The following GLUD1 variants were observed in gnomAD, a reference collection of about 807,000 sequenced individuals.
GLUD1 encodes glutamate dehydrogenase 1.
GLUD1 carries 22 observed loss-of-function variants against 56.0 expected under a neutral mutation model. The ratio of observed to expected loss-of-function variants is 0.39; its 90% CI spans 0.28 to 0.56. The LOEUF is 0.56. Ranked by LOEUF, GLUD1 falls within the 20% of genes least tolerant of loss-of-function variation. The pLI, the probability that GLUD1 is intolerant of heterozygous loss-of-function variation, is 0.58. For missense variants in GLUD1, 451 were observed against 732.0 expected, an observed-to-expected ratio of 0.62 and a Z score of 4.43; for synonymous variants, 223 against 269.9, an observed-to-expected ratio of 0.83 and a Z score of 1.70.
At position 87,094,722 on chromosome 10, in the gene GLUD1, G is replaced by T. The variant is rs1313982001; in HGVS notation, c.48C>A (p.Pro16=). The change falls in exon 1 of 13, where the codon CCC becomes CCA. Residue 16 remains proline, a synonymous_variant. Coordinates refer to ENST00000277865, the MANE Select transcript of GLUD1 (RefSeq NM_005271.5). The surrounding 1 kb of genome is among the most constrained non-coding windows in gnomAD (Gnocchi z 6.6). ...GEALLLSRAG[P]AALGSASADS... Reference sequence around the variant, plus strand: ...CGGCGGACGCCGAGCCCAGGGCAGCGGGCCCGGCCCGGGACAGCAACAGCG... The same window carrying T: ...CGGCGGACGCCGAGCCCAGGGCAGCTGGCCCGGCCCGGGACAGCAACAGCG... 2 of 1,513,320 alleles carry T rather than the reference G, an allele frequency of 1.3e-6. No individual in the cohort carries two copies. The highest frequency in any genetic ancestry group is 2.9e-5 in the East Asian group (1 of 34,734). 93.7% of individuals were successfully genotyped at this position (1,513,320 alleles called of 1,614,324 possible). A position where few individuals can be genotyped will look rare whatever the true frequency, so the allele number is the denominator to read the frequency against.
At chr10:87,079,586 C>T (rs748990744) in intron 1 of GLUD1, among the ~76,000 whole-genome samples, 1 of 152,144 alleles carries the variant, frequency 6.6e-6, no homozygotes, top group Non-Finnish European at 1.5e-5. Flanking sequence ...CCCAGGCGAC[C>T]CAGCCTGCAC....
chr10:87,077,412 T>C (rs927607837), intron 1 of GLUD1, among the ~76,000 whole-genome samples: 1 of 152,050 alleles, frequency 6.6e-6, no homozygotes. Context: ...AATGGGTATA[T>C]TAAAAGAGAT....
chr10:87,069,514 C>CAAAAAAAAA (rs374019349), intron 4 of GLUD1, among the ~76,000 whole-genome samples: 6 of 62,620 alleles, frequency 9.6e-5, no homozygotes, highest in Admixed American at 1.8e-4. Context: ...GACTCTGTTT[C>CAAAAAAAAA]AAAAAAAAAA....
At chr10:87,067,038 T>C (rs184338403) in intron 5 of GLUD1, among the ~76,000 whole-genome samples, 2 of 152,324 alleles carry the variant, frequency 1.3e-5, no homozygotes, top group African/African-American at 4.8e-5. Flanking sequence ...GCAATGCTCC[T>C]CTCCTGGTCC....
At chr10:87,063,901 C>T (rs1174307570) in intron 5 of GLUD1, among the ~76,000 whole-genome samples, 4 of 150,796 alleles carry the variant, frequency 2.7e-5, no homozygotes, top group African/African-American at 7.3e-5. Flanking sequence ...TTTTTTGAGA[C>T]GGAGTCTCGC....
intron 1 of GLUD1, among the ~76,000 whole-genome samples, chr10:87,087,640 GC>G (rs1841415207): frequency 6.6e-6 from 1 of 152,170 alleles, no homozygotes; most frequent in Admixed American, 6.5e-5. Context: ...ACTGTCACAA[GC>G]CCTTATTTCT....
At chr10:87,057,569 C>G (rs1475510758) in intron 11 of GLUD1, 122 bp downstream of exon 11, 1 of 752,650 alleles carries the variant, frequency 1.3e-6, no homozygotes, top group Non-Finnish European at 2.5e-6. Flanking sequence ...ACACATGTCA[C>G]GCACTTACTG....
intron 4 of GLUD1, among the ~76,000 whole-genome samples, chr10:87,070,330 G>A (rs1846196683): frequency 6.6e-6 from 1 of 152,220 alleles, no homozygotes; most frequent in Admixed American, 6.5e-5. Flanking sequence ...GCTGGGCGCG[G>A]TGGCTCACGC....
chr10:87,065,892 G>A (rs1018591452), intron 5 of GLUD1, among the ~76,000 whole-genome samples: 6 of 152,150 alleles, frequency 3.9e-5, no homozygotes, highest in African/African-American at 1.2e-4. Context: ...GCACTGATGG[G>A]TGAAGGTGCC....
chr10:87,082,263 A>AGC (rs1554824160), intron 1 of GLUD1, among the ~76,000 whole-genome samples: 5 of 151,916 alleles, frequency 3.3e-5, no homozygotes, highest in African/African-American at 1.2e-4. Flanking sequence ...CCTTCCACAC[A>AGC]AGTGTAAACA....
chr10:87,060,559 G>C (rs762320372), intron 8 of GLUD1, 129 bp downstream of exon 8: 5 of 1,126,066 alleles, frequency 4.4e-6, no homozygotes, highest in Admixed American at 3.4e-5. Flanking sequence ...TGGGGGAACT[G>C]TATGGTATGT....
At chr10:87,088,176 G>T (rs1412277424) in intron 1 of GLUD1, among the ~76,000 whole-genome samples, 12 of 143,336 alleles carry the variant, frequency 8.4e-5, no homozygotes, top group South Asian at 2.2e-4. Context: ...ACTTTGTTTT[G>T]TTTTTTTTTT....
At chr10:87,067,943 A>G in intron 5 of GLUD1, 120 bp downstream of exon 5, 1 of 697,458 alleles carries the variant, frequency 1.4e-6, no homozygotes, top group Admixed American at 2.0e-5. Context: ...TATGCACATC[A>G]AGATTATGAT....
chr10:87,087,807 ACGGTGGCTCACGC>A (rs1390329844), intron 1 of GLUD1, among the ~76,000 whole-genome samples: 11 of 152,160 alleles, frequency 7.2e-5, no homozygotes, highest in Admixed American at 5.9e-4. Context: ...TCTGCCAGGC[ACGGTGGCTCACGC>A]CTGTAATCCC....
At chr10:87,074,288 G>A (rs959810481) in intron 4 of GLUD1, among the ~76,000 whole-genome samples, 2 of 152,140 alleles carry the variant, frequency 1.3e-5, no homozygotes, top group African/African-American at 4.8e-5. Context: ...ATCACCTGAT[G>A]TCAGGAGTTC....
intron 1 of GLUD1, among the ~76,000 whole-genome samples, chr10:87,079,960 TCTCCCCA>T (rs935190786): frequency 3.0e-5 from 3 of 99,556 alleles, no homozygotes; most frequent in African/African-American, 3.9e-5. Context: ...ACGGTCTCCC[TCTCCCCA>T]CGGTCTCCCT....
At chr10:87,081,810 C>T (rs1417753497) in intron 1 of GLUD1, among the ~76,000 whole-genome samples, 3 of 151,300 alleles carry the variant, frequency 2.0e-5, no homozygotes, top group Non-Finnish European at 4.4e-5. Flanking sequence ...ACAAACACTG[C>T]GGAAGGCCTC....
intron 1 of GLUD1, among the ~76,000 whole-genome samples, chr10:87,080,094 C>G (rs574033283): frequency 6.6e-6 from 1 of 151,888 alleles, no homozygotes; most frequent in Non-Finnish European, 1.5e-5. Flanking sequence ...CGCGCCGCCA[C>G]GCCTGACTGG....
intron 1 of GLUD1, among the ~76,000 whole-genome samples, chr10:87,092,854 T>C (rs751355352): frequency 4.6e-5 from 7 of 152,230 alleles, no homozygotes; most frequent in Non-Finnish European, 7.3e-5. Context: ...AACATCCTTA[T>C]TTGCCTTTCT....
Sources: allele counts gnomAD v4.1 joint callset (sites outside exome capture counted in the v4.1 genomes callset), GRCh38; gene constraint gnomAD v4.1.1; non-coding constraint Gnocchi (gnomAD v3.1); transcripts MANE v1.5; gene names NCBI Gene and HGNC (gene_info 2026-07-23, HGNC 2026-07-21).